NXPE4: variants seen among roughly 807,000 people sequenced by gnomAD.
The protein encoded by NXPE4 is neurexophilin and PC-esterase domain family member 4.
Under a neutral mutation model 33.3 loss-of-function variants are expected in NXPE4, and 42 were observed. That is an observed-to-expected ratio of 1.26 (90% CI 0.98 to 1.63). NXPE4 has a LOEUF of 1.63. Among genes scored for constraint, NXPE4 ranks in the 40% most tolerant of loss-of-function variants. The probability of loss-of-function intolerance (pLI) is 0.00; values close to 1 mark genes in which losing one functional copy is unlikely to be tolerated. For synonymous variants in NXPE4, 253 were observed against 234.9 expected, an observed-to-expected ratio of 1.08 and a Z score of -0.71; for missense variants, 709 against 647.6, an observed-to-expected ratio of 1.09 and a Z score of -1.03.
At chr11:114,641,483 C>G in the NXPE4 span, among the ~76,000 whole-genome samples, 2 of 152,002 alleles carry the variant, frequency 1.3e-5, no homozygotes, top group Admixed American at 1.3e-4. Flanking sequence ...TACTTTATAT[C>G]AAACATTAGG....
chr11:114,586,322 G>A (rs1949296809), intron 2 of NXPE4, among the ~76,000 whole-genome samples: 1 of 152,182 alleles, frequency 6.6e-6, no homozygotes, highest in South Asian at 2.1e-4. Context: ...TATCCCAGAT[G>A]AAAAATGCCA....
the NXPE4 span, among the ~76,000 whole-genome samples, chr11:114,660,284 C>A: frequency 6.6e-6 from 1 of 151,866 alleles, no homozygotes; most frequent in Non-Finnish European, 1.5e-5. Context: ...AAGCACTTTG[C>A]AATTCATTTT....
the NXPE4 span, among the ~76,000 whole-genome samples, chr11:114,648,432 T>A: frequency 6.6e-6 from 1 of 152,192 alleles, no homozygotes; most frequent in Admixed American, 6.5e-5. Flanking sequence ...GTCAGACTTT[T>A]GTTCTATTCA....
the NXPE4 span, among the ~76,000 whole-genome samples, chr11:114,674,434 T>C: frequency 1.2e-4 from 18 of 151,900 alleles, 1 homozygote; most frequent in African/African-American, 4.3e-4. Flanking sequence ...GAGAGAATCC[T>C]ATTGTATGTG....
At chr11:114,636,283 T>C in the NXPE4 span, among the ~76,000 whole-genome samples, 48 of 152,222 alleles carry the variant, frequency 3.2e-4, no homozygotes, top group South Asian at 1.0e-2. Flanking sequence ...GATGGTAGTT[T>C]GTATTTCTGT....
chr11:114,612,001 A>C, the NXPE4 span, among the ~76,000 whole-genome samples: 1 of 151,950 alleles, frequency 6.6e-6, no homozygotes, highest in Non-Finnish European at 1.5e-5. Flanking sequence ...AGTGGATAAT[A>C]AGTCATGCCT....
chr11:114,645,659 TC>T, the NXPE4 span, among the ~76,000 whole-genome samples: 1 of 151,480 alleles, frequency 6.6e-6, no homozygotes. Context: ...AGCAAAGAAC[TC>T]CTCCAAAGTA....
chr11:114,573,072 A>C (rs1230813325), intron 5 of NXPE4, among the ~76,000 whole-genome samples: 1 of 152,130 alleles, frequency 6.6e-6, no homozygotes, highest in Non-Finnish European at 1.5e-5. Context: ...CTCCTTAAAC[A>C]AAAAAATTAT....
the NXPE4 span, among the ~76,000 whole-genome samples, chr11:114,654,447 C>T: frequency 7.9e-5 from 12 of 151,984 alleles, no homozygotes; most frequent in Admixed American, 6.6e-4. Flanking sequence ...CACCTATTGA[C>T]CCATCTTCTA....
the NXPE4 span, among the ~76,000 whole-genome samples, chr11:114,674,169 CTT>C: frequency 6.6e-6 from 1 of 151,698 alleles, no homozygotes; most frequent in Non-Finnish European, 1.5e-5. Context: ...CCTTAGTAGT[CTT>C]TTATTTAAAA....
chr11:114,663,395 G>A, the NXPE4 span, among the ~76,000 whole-genome samples: 1 of 152,116 alleles, frequency 6.6e-6, no homozygotes, highest in Non-Finnish European at 1.5e-5. Flanking sequence ...CTAAATGGTT[G>A]CAGGTAACAA....
At chr11:114,621,457 G>A in the NXPE4 span, among the ~76,000 whole-genome samples, 2 of 152,094 alleles carry the variant, frequency 1.3e-5, no homozygotes, top group Non-Finnish European at 2.9e-5. Context: ...TTACCCAGTG[G>A]ATAATAAGTA....
the NXPE4 span, among the ~76,000 whole-genome samples, chr11:114,649,046 A>G: frequency 6.6e-6 from 1 of 152,160 alleles, no homozygotes; most frequent in African/African-American, 2.4e-5. Context: ...TGTTTATGTA[A>G]CTGGTCACAT....
the NXPE4 span, among the ~76,000 whole-genome samples, chr11:114,610,846 CTAG>C: frequency 1.3e-5 from 2 of 151,896 alleles, no homozygotes; most frequent in African/African-American, 4.8e-5. Context: ...AGTATTGCCT[CTAG>C]GGTAACCACT....
upstream of NXPE4, among the ~76,000 whole-genome samples, chr11:114,599,404 G>T (rs1240625963): frequency 6.6e-6 from 1 of 152,110 alleles, no homozygotes; most frequent in African/African-American, 2.4e-5. Flanking sequence ...GTCTTCTTCT[G>T]GGCCCTCCAC....
At chr11:114,581,974 T>G (rs1949156682) in intron 3 of NXPE4, among the ~76,000 whole-genome samples, 188 bp from the exon 4 acceptor site, 1 of 152,214 alleles carries the variant, frequency 6.6e-6, no homozygotes, top group Non-Finnish European at 1.5e-5. Flanking sequence ...ACCCAGAAGG[T>G]ATGCAAGAGA....
chr11:114,574,700 G>T (rs148418777), intron 5 of NXPE4, among the ~76,000 whole-genome samples: 233 of 152,018 alleles, frequency 1.5e-3, no homozygotes, highest in African/African-American at 5.4e-3. Context: ...TGAAATGATA[G>T]TTAAAAAATT....
At chr11:114,632,767 TA>T in the NXPE4 span, among the ~76,000 whole-genome samples, 1 of 9,842 alleles carries the variant, frequency 1.0e-4, no homozygotes, top group African/African-American at 5.8e-4. Context: ...TCATATATTA[TA>T]TAATTATATA....
At chr11:114,631,545 G>T in the NXPE4 span, among the ~76,000 whole-genome samples, 1 of 109,940 alleles carries the variant, frequency 9.1e-6, no homozygotes, top group African/African-American at 3.4e-5. Flanking sequence ...AGGGGGGAGG[G>T]ATAGCACTGG....
Sources: allele counts gnomAD v4.1 joint callset (sites outside exome capture counted in the v4.1 genomes callset), GRCh38; gene constraint gnomAD v4.1.1; transcripts MANE v1.5; gene names NCBI Gene and HGNC (gene_info 2026-07-23, HGNC 2026-07-21).